The following CNTNAP2 variants were observed in gnomAD, a reference collection of about 807,000 sequenced individuals.
CNTNAP2 encodes contactin associated protein 2.
Under a neutral mutation model 155.2 loss-of-function variants are expected in CNTNAP2, and 98 were observed. The ratio of observed to expected loss-of-function variants is 0.63; its 90% confidence interval spans 0.54 to 0.75. CNTNAP2 has a LOEUF of 0.75. CNTNAP2 is among the 30% of genes least tolerant of loss of function. The pLI is 0.00. For synonymous variants in CNTNAP2, 651 were observed against 631.2 expected, an observed-to-expected ratio of 1.03 and a Z score of -0.47; for missense variants, 1,727 against 1,688.1, an observed-to-expected ratio of 1.02 and a Z score of -0.40.
chr7:148,022,939 A>G (rs1342538037), intron 15 of CNTNAP2, among the ~76,000 whole-genome samples: 1 of 152,156 alleles, frequency 6.6e-6, no homozygotes, highest in Non-Finnish European at 1.5e-5. Flanking sequence ...TCCCTGTGAC[A>G]CTGCCTGTAC....
chr7:147,027,027 GAAA>G (rs35010258), intron 3 of CNTNAP2, among the ~76,000 whole-genome samples: 3 of 116,746 alleles, frequency 2.6e-5, no homozygotes, highest in East Asian at 2.6e-4. Flanking sequence ...ACAAAAAAAA[GAAA>G]AAAAAAAACT....
intron 4 of CNTNAP2, among the ~76,000 whole-genome samples, chr7:147,083,979 CAT>C (rs948894178): frequency 6.0e-5 from 8 of 134,192 alleles, no homozygotes; most frequent in Admixed American, 8.2e-5. Context: ...TGTGTATACA[CAT>C]ATATGTATAT....
At chr7:147,356,834 T>C (rs556868914) in intron 9 of CNTNAP2, among the ~76,000 whole-genome samples, 1 of 152,250 alleles carries the variant, frequency 6.6e-6, no homozygotes, top group Admixed American at 6.5e-5. Flanking sequence ...CTCTTCCTCA[T>C]TCAAAGTTTG....
intron 14 of CNTNAP2, among the ~76,000 whole-genome samples, chr7:147,912,077 T>G (rs1157055373): frequency 6.6e-6 from 1 of 152,196 alleles, no homozygotes; most frequent in Non-Finnish European, 1.5e-5. Context: ...CTAGTCCTAT[T>G]GCTTGCTAGT....
At chr7:147,283,758 T>C (rs983081503) in intron 8 of CNTNAP2, among the ~76,000 whole-genome samples, 3 of 151,856 alleles carry the variant, frequency 2.0e-5, no homozygotes, top group African/African-American at 4.8e-5. Context: ...ACTTCTATCT[T>C]CAATTTCCCA....
At chr7:147,127,128 T>C (rs1801256973) in intron 6 of CNTNAP2, among the ~76,000 whole-genome samples, 1 of 152,196 alleles carries the variant, frequency 6.6e-6, no homozygotes, top group South Asian at 2.1e-4. Context: ...CATTTTAGTA[T>C]CAAAAATGAT....
intron 21 of CNTNAP2, among the ~76,000 whole-genome samples, chr7:148,308,945 A>G (rs1226529133): frequency 6.6e-6 from 1 of 152,156 alleles, no homozygotes; most frequent in Non-Finnish European, 1.5e-5. Flanking sequence ...CATGGTGTAT[A>G]TGTGCCACAT....
intron 21 of CNTNAP2, among the ~76,000 whole-genome samples, chr7:148,308,732 C>G (rs1279683302): frequency 2.0e-5 from 3 of 151,376 alleles, no homozygotes; most frequent in South Asian, 4.2e-4. Context: ...CCTAGCCCTC[C>G]CACCCCCCAA....
At chr7:146,157,758 C>T (rs1367790071) in intron 1 of CNTNAP2, among the ~76,000 whole-genome samples, 6 of 152,158 alleles carry the variant, frequency 3.9e-5, no homozygotes, top group Admixed American at 1.3e-4. Flanking sequence ...GGGTGGAGCC[C>T]ACTGCAGATC....
chr7:146,727,189 C>T (rs1186169137), intron 1 of CNTNAP2, among the ~76,000 whole-genome samples: 4 of 151,938 alleles, frequency 2.6e-5, no homozygotes, highest in Admixed American at 6.6e-5. Context: ...CCCATGATAC[C>T]GCTATTGTCC....
chr7:147,605,731 G>C (rs924041408), intron 12 of CNTNAP2, among the ~76,000 whole-genome samples: 1 of 152,056 alleles, frequency 6.6e-6, no homozygotes, highest in East Asian at 1.9e-4. Flanking sequence ...CTGCGCTTTT[G>C]GGGGAGAAAG....
At chr7:146,730,316 T>C (rs1178028161) in intron 1 of CNTNAP2, among the ~76,000 whole-genome samples, 1 of 152,200 alleles carries the variant, frequency 6.6e-6, no homozygotes, top group Non-Finnish European at 1.5e-5. Flanking sequence ...TTAACTTTCA[T>C]TGTCATTTAA....
At chr7:146,176,078 T>A (rs888673951) in intron 1 of CNTNAP2, among the ~76,000 whole-genome samples, 3 of 152,154 alleles carry the variant, frequency 2.0e-5, no homozygotes, top group African/African-American at 7.2e-5. Flanking sequence ...AATATATACT[T>A]TAGAAAGACA....
At chr7:147,817,241 A>G (rs960002243) in intron 13 of CNTNAP2, among the ~76,000 whole-genome samples, 2 of 152,244 alleles carry the variant, frequency 1.3e-5, no homozygotes, top group African/African-American at 2.4e-5. Context: ...GATTTACCAA[A>G]TACAGTATTT....
At chr7:147,395,252 C>A (rs1311153542) in intron 9 of CNTNAP2, among the ~76,000 whole-genome samples, 2 of 151,888 alleles carry the variant, frequency 1.3e-5, no homozygotes, top group Non-Finnish European at 2.9e-5. Context: ...AGTTTTGTGT[C>A]CTAATCTCTG....
intron 1 of CNTNAP2, among the ~76,000 whole-genome samples, chr7:146,295,545 T>C (rs1200980362): frequency 1.3e-5 from 2 of 152,196 alleles, no homozygotes; most frequent in South Asian, 4.1e-4. Context: ...AAATATGTGA[T>C]AATCTAAATA....
intron 11 of CNTNAP2, among the ~76,000 whole-genome samples, chr7:147,541,239 A>G (rs1270374170): frequency 6.6e-6 from 1 of 152,202 alleles, no homozygotes; most frequent in African/African-American, 2.4e-5. Flanking sequence ...TGCAGTGGCT[A>G]GGAACAGGGG....
chr7:147,233,295 G>A (rs545018223), intron 8 of CNTNAP2, among the ~76,000 whole-genome samples: 1 of 152,138 alleles, frequency 6.6e-6, no homozygotes, highest in African/African-American at 2.4e-5. Context: ...TGATGGACAG[G>A]GTGATCCCTA....
At chr7:147,163,597 A>G (rs893443469) in intron 8 of CNTNAP2, among the ~76,000 whole-genome samples, 3 of 151,782 alleles carry the variant, frequency 2.0e-5, no homozygotes, top group African/African-American at 4.8e-5. Flanking sequence ...TTATTTTGCC[A>G]TGCAATTTTT....
Sources: gnomAD v4.1 joint callset for allele counts (sites outside exome capture counted in the v4.1 genomes callset) on GRCh38, gnomAD v4.1.1 for gene constraint, MANE v1.5 for transcripts, NCBI Gene and HGNC (gene_info 2026-07-23, HGNC 2026-07-21) for gene names.